SDHA: variants seen among roughly 807,000 people sequenced by gnomAD.
SDHA encodes the protein succinate dehydrogenase [ubiquinone] flavoprotein subunit, mitochondrial.
In SDHA, 48 loss-of-function variants were observed where a neutral mutation model predicts 78.4. That is an observed-to-expected ratio of 0.61 (90% CI 0.49 to 0.78). The LOEUF is 0.78. SDHA is among the 30% of genes least tolerant of loss of function. SDHA has a pLI of 0.00. For missense variants in SDHA, 680 were observed against 892.7 expected, an observed-to-expected ratio of 0.76 and a Z score of 3.04; for synonymous variants, 326 against 353.9, an observed-to-expected ratio of 0.92 and a Z score of 0.88.
chr5:230,497 C>T (rs1755251747), intron 6 of SDHA, among the ~76,000 whole-genome samples: 1 of 152,050 alleles, frequency 6.6e-6, no homozygotes, highest in Non-Finnish European at 1.5e-5. Flanking sequence ...CGTGGTGGTG[C>T]ACACTGTAAT....
At chr5:224,673 C>T (rs1734909135) in intron 3 of SDHA, 152 bp downstream of exon 3, 4 of 769,630 alleles carry the variant, frequency 5.2e-6, no homozygotes, top group Non-Finnish European at 6.6e-6. Context: ...AGGGGTCTCT[C>T]CCTGGAGCCT....
intron 10 of SDHA, among the ~76,000 whole-genome samples, chr5:239,825 A>C (rs1274410012): frequency 1.3e-5 from 2 of 150,608 alleles, no homozygotes; most frequent in Middle Eastern, 6.9e-3. Flanking sequence ...GCTGGAGTGC[A>C]GTGGCGCGAT....
chr5:267,235 C>T, the SDHA span, among the ~76,000 whole-genome samples: 20 of 152,136 alleles, frequency 1.3e-4, no homozygotes, highest in African/African-American at 2.4e-4. Context: ...ATGGGAGTCA[C>T]GGGAGAAAGT....
At chr5:249,444 G>A (rs111597250) in intron 11 of SDHA, 2,897 of 162,226 alleles carry the variant, frequency 0.018, 41 homozygotes, top group Non-Finnish European at 0.029. Flanking sequence ...GAAGGTTGTC[G>A]GTTTACTGGA....
At chr5:244,704 G>C (rs957291141) in intron 11 of SDHA, among the ~76,000 whole-genome samples, 3 of 152,130 alleles carry the variant, frequency 2.0e-5, no homozygotes, top group Non-Finnish European at 4.4e-5. Context: ...AGTTGGAGTT[G>C]GTAAAGCCCC....
chr5:246,483 A>G (rs1417048182), intron 11 of SDHA, among the ~76,000 whole-genome samples: 1 of 152,128 alleles, frequency 6.6e-6, no homozygotes, highest in Non-Finnish European at 1.5e-5. Flanking sequence ...TCAAATCAAT[A>G]GAATAGATCC....
At chr5:223,125 C>A (rs1293605527) in intron 1 of SDHA, among the ~76,000 whole-genome samples, 1 of 152,202 alleles carries the variant, frequency 6.6e-6, no homozygotes, top group Non-Finnish European at 1.5e-5. Flanking sequence ...TACAGTAATA[C>A]AATATACACG....
At chr5:263,982 T>A in the SDHA span, among the ~76,000 whole-genome samples, 2 of 149,526 alleles carry the variant, frequency 1.3e-5, no homozygotes, top group Non-Finnish European at 2.9e-5. Context: ...AAAATGTCCA[T>A]CAGTAGGGGA....
intron 7 of SDHA, 130 bp from the exon 8 acceptor site, chr5:233,347 G>A: frequency 1.1e-6 from 1 of 904,274 alleles, no homozygotes. Context: ...GTCTTGCTGT[G>A]CAGTTTTGCA....
rs1003569180 is a variant in SDHA at position 244,125 on chromosome 5, C to T, written c.1551+3649C>T. On this transcript the variant is annotated intron_variant, in intron 11 of 14. Transcript: ENST00000264932. Reference sequence around the variant, plus strand: ...GGCCCGTCCTGGGTCCCGTTCCAAACCGGGGCATTTCCGGCTCAGGCCACT... The same window carrying T: ...GGCCCGTCCTGGGTCCCGTTCCAAATCGGGGCATTTCCGGCTCAGGCCACT... Among the ~76,000 whole-genome samples the T allele has an allele frequency of 4.6e-5, 7 of 152,076 alleles. 1 individual carries two copies. Among genetic ancestry groups the T allele is most frequent in the Admixed American group, 3.3e-4 (5 of 15,246 alleles).
At chr5:267,457 C>G in the SDHA span, among the ~76,000 whole-genome samples, 1 of 152,200 alleles carries the variant, frequency 6.6e-6, no homozygotes, top group South Asian at 2.1e-4. Flanking sequence ...ACAATGTACA[C>G]TTGCATATGC....
intron 9 of SDHA, chr5:235,671 C>G: frequency 2.6e-6 from 1 of 379,148 alleles, no homozygotes; most frequent in Non-Finnish European, 5.0e-6. Context: ...GTGGTTCACA[C>G]AGAGCTTGTC....
intron 7 of SDHA, among the ~76,000 whole-genome samples, chr5:232,558 G>A (rs1299373490): frequency 2.0e-5 from 3 of 152,070 alleles, no homozygotes; most frequent in Non-Finnish European, 4.4e-5. Context: ...TGAATAAAAT[G>A]TCACTGAGCC....
At chr5:267,236 G>A in the SDHA span, among the ~76,000 whole-genome samples, 4 of 152,220 alleles carry the variant, frequency 2.6e-5, no homozygotes, top group East Asian at 3.8e-4. Flanking sequence ...TGGGAGTCAC[G>A]GGAGAAAGTA....
chr5:233,930 C>A (rs1299276282), intron 8 of SDHA: 3 of 419,156 alleles, frequency 7.2e-6, no homozygotes, highest in East Asian at 4.9e-5. Context: ...AACCTGAAGT[C>A]GGCATGTGAG....
intron 1 of SDHA, among the ~76,000 whole-genome samples, chr5:222,949 G>A (rs1257320135): frequency 2.0e-5 from 3 of 152,152 alleles, no homozygotes; most frequent in African/African-American, 4.8e-5. Flanking sequence ...ATGACACCTC[G>A]TCCCTCTAGG....
At chr5:263,784 A>C in the SDHA span, among the ~76,000 whole-genome samples, 1 of 152,220 alleles carries the variant, frequency 6.6e-6, no homozygotes, top group Non-Finnish European at 1.5e-5. Flanking sequence ...TTGCAACCTC[A>C]TGGAAGAGGA....
At chr5:238,158 G>T (rs542886681) in intron 10 of SDHA, among the ~76,000 whole-genome samples, 3 of 151,904 alleles carry the variant, frequency 2.0e-5, no homozygotes, top group African/African-American at 7.3e-5. Context: ...TCAAAAGGCT[G>T]CATGCCTGTG....
Position 225,430 on chromosome 5 carries a change from T to C in SDHA, c.324T>C (p.Asn108=). 6.2e-7 allele frequency: 1 copy of C among 1,612,552 alleles called. No homozygotes were observed. Among genetic ancestry groups the C allele is most frequent in the East Asian group, 2.2e-5 (1 of 44,882 alleles). The stretch of plus-strand genomic sequence containing the variant: ...GTTGGTGTTTCCAGGGAGGAATCAA[T>C]GCTGCTCTGGGGAACATGGAGGAGG... The part of the protein sequence containing the change: ...SHTVAAQGGI[N]AALGNMEEDN... The change falls in exon 4 of 15, where the codon AAT becomes AAC. Residue 108 remains asparagine, a synonymous_variant. Transcript: ENST00000264932.
Sources: gnomAD v4.1 joint callset for allele counts (sites outside exome capture counted in the v4.1 genomes callset) on GRCh38, gnomAD v4.1.1 for gene constraint, MANE v1.5 for transcripts, NCBI Gene and HGNC (gene_info 2026-07-23, HGNC 2026-07-21) for gene names.